Variants in AHI1 observed in about 807,000 individuals in gnomAD.
AHI1 encodes Abelson helper integration site 1.
In AHI1, 123 loss-of-function variants were observed where a neutral mutation model predicts 149.3. The ratio of observed to expected loss-of-function variants is 0.82; its 90% CI spans 0.71 to 0.96. The LOEUF (loss-of-function observed/expected upper bound fraction) is 0.96. Among genes scored for constraint, AHI1 ranks in the 40% least tolerant of loss-of-function variants. The pLI, the probability that AHI1 is intolerant of heterozygous loss-of-function variation, is 0.00. For synonymous variants in AHI1, 475 were observed against 459.8 expected, an observed-to-expected ratio of 1.03 and a Z score of -0.42; for missense variants, 1,439 against 1,422.7, an observed-to-expected ratio of 1.01 and a Z score of -0.18.
At chr6:135,311,560 C>G (rs887290285) in intron 26 of AHI1, among the ~76,000 whole-genome samples, 1 of 151,978 alleles carries the variant, frequency 6.6e-6, no homozygotes, top group Non-Finnish European at 1.5e-5. Flanking sequence ...TATAGTAGAA[C>G]AACTCTAGTA....
chr6:135,485,225 C>A (rs757793129), intron 5 of AHI1, among the ~76,000 whole-genome samples: 3 of 152,056 alleles, frequency 2.0e-5, no homozygotes, highest in Non-Finnish European at 4.4e-5. Flanking sequence ...AGGTACACAA[C>A]ATCATGCCTG....
At chr6:135,394,617 C>T in intron 23 of AHI1, 159 bp downstream of exon 23, 1 of 1,009,050 alleles carries the variant, frequency 9.9e-7, no homozygotes, top group Non-Finnish European at 1.4e-6. Context: ...TTTGAAATAA[C>T]CTTGGTGATT....
At chr6:135,446,406 C>T (rs1407139753) in intron 13 of AHI1, among the ~76,000 whole-genome samples, 1 of 152,120 alleles carries the variant, frequency 6.6e-6, no homozygotes, top group African/African-American at 2.4e-5. Context: ...AGAAATCAAC[C>T]CAGTCATCAC....
At chr6:135,482,965 C>T (rs1793935184) in intron 5 of AHI1, among the ~76,000 whole-genome samples, 1 of 127,456 alleles carries the variant, frequency 7.8e-6, no homozygotes, top group South Asian at 2.6e-4. Flanking sequence ...GATTTCAGCT[C>T]ACTGCAACCT....
At position 135,460,155 on chromosome 6, in the gene AHI1, C is replaced by T. The variant is rs1326591497; in HGVS notation, c.932-2442G>A. Among the ~76,000 whole-genome samples, 6 of 152,052 alleles carry T rather than the reference C, an allele frequency of 3.9e-5. No homozygotes were observed. The South Asian group carries it at 1.0e-3, about 26-fold the overall frequency. On this transcript the variant is annotated intron_variant, in intron 8 of 28. Transcript: ENST00000265602. ...CTGAGATCACGCCACTGCACTCCAG[C>T]CTGAGTGACAGGGCAAGACCCTGTC...
rs565111542 is a variant in AHI1, at chr6:135,368,532, G to T, written c.3110-10345C>A. 2.0e-5 allele frequency among the ~76,000 whole-genome samples: 3 copies of T among 152,244 alleles called. No homozygotes were observed. The East Asian group carries it at 5.8e-4, about 29-fold the overall frequency. On this transcript the variant is annotated intron_variant, in intron 23 of 28. Transcript: ENST00000265602. The stretch of plus-strand genomic sequence containing the variant: ...TGGTGGGGGGCACCCGCAGGATTAG[G>T]TATGTCTGAACTCAGACTCTCTTTG...
At position 135,431,244 on chromosome 6, in the gene AHI1, A is replaced by T; in HGVS notation, c.2337T>A (p.Asp779Glu). 6.2e-7 allele frequency: 1 copy of T among 1,607,432 alleles called. No homozygotes were observed. The highest frequency in any genetic ancestry group is 8.5e-7 in the Non-Finnish European group (1 of 1,175,962). The stretch of plus-strand genomic sequence containing the variant: ...TCCAGTGGTGCACTGAATGTTCCAA[A>T]TCATTAATCTTGACATAGGTATTCC... ...VVWNTYVKIN[D>E]LEHSVHHWTI... is the part of the protein sequence containing the mutation. The change falls in exon 17 of 29, where the codon GAT (aspartate) becomes GAA (glutamate). Residue 779 changes from aspartate (D) to glutamate (E), a missense_variant. Transcript: ENST00000265602.
rs571805763 is a variant in AHI1, at chr6:135,402,176, G to C, written c.2988+2775C>G. On this transcript the variant is annotated intron_variant, in intron 22 of 28. Transcript: ENST00000265602. ...TATAAAGAAGAGAATACAAGTGTTG[G>C]TGAGGATGAGAAGAAACTGGAACCT... 1.4e-4 allele frequency among the ~76,000 whole-genome samples: 22 copies of C among 152,282 alleles called. No homozygotes were observed. The South Asian group carries it at 4.6e-3, about 32-fold the overall frequency.
At chr6:135,441,655 G>A (rs112658668) in intron 14 of AHI1, among the ~76,000 whole-genome samples, 5,146 of 151,858 alleles carry the variant, frequency 0.034, 140 homozygotes, top group African/African-American at 0.069. Context: ...ACATAAAATC[G>A]GAATAAAATA....
intron 23 of AHI1, among the ~76,000 whole-genome samples, chr6:135,362,609 A>G (rs1794078816): frequency 6.6e-6 from 1 of 152,198 alleles, no homozygotes; most frequent in African/African-American, 2.4e-5. Context: ...TTCCCTGATC[A>G]TTAGTGATGC....
At chr6:135,482,893 G>GTTTTTTTTTTTTTTTTT (rs1491384083) in intron 5 of AHI1, among the ~76,000 whole-genome samples, 201 of 5,680 alleles carry the variant, frequency 0.035, 6 homozygotes, top group Middle Eastern at 0.071. Context: ...TCCATTTAAG[G>GTTTTTTTTTTTTTTTTT]CTTTTTTTTT....
At chr6:135,487,110 GA>G (rs1292024855) in intron 5 of AHI1, among the ~76,000 whole-genome samples, 1 of 151,996 alleles carries the variant, frequency 6.6e-6, no homozygotes, top group East Asian at 1.9e-4. Flanking sequence ...TTTAAAATAG[GA>G]AGCTTAAACT....
At chr6:135,319,868 G>T (rs1180444739) in intron 25 of AHI1, among the ~76,000 whole-genome samples, 2 of 152,180 alleles carry the variant, frequency 1.3e-5, no homozygotes, top group African/African-American at 4.8e-5. Flanking sequence ...AGTGCCTTAA[G>T]ATACAAAGAG....
intron 13 of AHI1, among the ~76,000 whole-genome samples, chr6:135,443,878 A>G (rs566204175): frequency 7.9e-5 from 12 of 152,338 alleles, no homozygotes; most frequent in African/African-American, 2.9e-4. Flanking sequence ...ACAAGGTAAC[A>G]AAAACTGAAA....
chr6:135,358,531 T>C (rs1793349698), intron 23 of AHI1, among the ~76,000 whole-genome samples: 2 of 152,312 alleles, frequency 1.3e-5, no homozygotes, highest in South Asian at 4.1e-4. Flanking sequence ...GATTCAAGGA[T>C]ATGAAGTTTT....
intron 24 of AHI1, among the ~76,000 whole-genome samples, chr6:135,340,938 A>G (rs1170610647): frequency 6.6e-6 from 1 of 151,256 alleles, no homozygotes; most frequent in Admixed American, 6.6e-5. Context: ...AAGGGCAAAC[A>G]CTGAAAAAAC....
intron 8 of AHI1, among the ~76,000 whole-genome samples, chr6:135,461,140 T>C (rs1159925558): frequency 1.3e-5 from 2 of 151,974 alleles, no homozygotes; most frequent in Admixed American, 6.6e-5. Context: ...AGGACGACAT[T>C]TGCGATATAA....
intron 5 of AHI1, among the ~76,000 whole-genome samples, chr6:135,481,851 G>A (rs1793703323): frequency 6.7e-6 from 1 of 148,802 alleles, no homozygotes; most frequent in South Asian, 2.1e-4. Flanking sequence ...AACTTTTTGA[G>A]GACCGAGAAT....
intron 22 of AHI1, among the ~76,000 whole-genome samples, chr6:135,401,990 C>CA (rs1173651841): frequency 2.0e-5 from 3 of 151,698 alleles, no homozygotes; most frequent in East Asian, 1.9e-4. Context: ...AATAAAAAGA[C>CA]AAAAAATCCC....
Sources: gnomAD v4.1 joint callset for allele counts (sites outside exome capture counted in the v4.1 genomes callset) on GRCh38, gnomAD v4.1.1 for gene constraint, MANE v1.5 for transcripts, NCBI Gene and HGNC (gene_info 2026-07-23, HGNC 2026-07-21) for gene names.